TRIO: variants seen among roughly 807,000 people sequenced by gnomAD.
The protein encoded by TRIO is triple functional domain protein.
TRIO carries 58 observed loss-of-function variants against 351.9 expected under a neutral mutation model. That is an observed-to-expected ratio of 0.16 (90% CI 0.13 to 0.21). The LOEUF (loss-of-function observed/expected upper bound fraction) is 0.21. Among genes scored for constraint, TRIO ranks in the 10% least tolerant of loss-of-function variants. The pLI, the probability that TRIO is intolerant of heterozygous loss-of-function variation, is 1.00. For synonymous variants in TRIO, 1,758 were observed against 1,595.7 expected, an observed-to-expected ratio of 1.10 and a Z score of -2.42; for missense variants, 3,201 against 4,027.8, an observed-to-expected ratio of 0.79 and a Z score of 5.56.
At chr5:14,423,966 C>G (rs1040668844) in intron 34 of TRIO, among the ~76,000 whole-genome samples, 24 of 138,764 alleles carry the variant, frequency 1.7e-4, no homozygotes, top group African/African-American at 6.2e-4. Context: ...AAGGCTTTAA[C>G]CAGGAGTTTG....
At chr5:14,213,947 A>G (rs1027166844) in intron 1 of TRIO, among the ~76,000 whole-genome samples, 1 of 152,200 alleles carries the variant, frequency 6.6e-6, no homozygotes, top group South Asian at 2.1e-4. Context: ...GAGCGGGAGG[A>G]TGAAAGAAAA....
chr5:14,366,468 C>G (rs1198048643), intron 15 of TRIO, among the ~76,000 whole-genome samples: 1 of 152,154 alleles, frequency 6.6e-6, no homozygotes, highest in African/African-American at 2.4e-5. Context: ...CAAGCATTTG[C>G]CAATTTTTCA....
At chr5:14,230,340 T>TGTGTGTGTG (rs1793327649) in intron 1 of TRIO, among the ~76,000 whole-genome samples, 12 of 149,128 alleles carry the variant, frequency 8.0e-5, no homozygotes, top group African/African-American at 2.8e-4. Flanking sequence ...GGCAAGATGT[T>TGTGTGTGTG]TGTGTGTGTG....
intron 33 of TRIO, among the ~76,000 whole-genome samples, chr5:14,413,158 T>C (rs1749345353): frequency 6.6e-6 from 1 of 152,200 alleles, no homozygotes; most frequent in African/African-American, 2.4e-5. Context: ...GGGGCTACAG[T>C]GGATTTAGCT....
chr5:14,221,727 G>A (rs1337338621), intron 1 of TRIO, among the ~76,000 whole-genome samples: 6 of 152,236 alleles, frequency 3.9e-5, no homozygotes, highest in African/African-American at 9.6e-5. Context: ...GGGATGAAGC[G>A]TTGCTTCTCA....
At chr5:14,150,905 G>A (rs781593786) in intron 1 of TRIO, among the ~76,000 whole-genome samples, 4 of 152,106 alleles carry the variant, frequency 2.6e-5, no homozygotes, top group East Asian at 1.9e-4. Context: ...TCTGTAATAC[G>A]TGTTAATTTG....
At chr5:14,392,689 A>G (rs62345015) in intron 27 of TRIO, among the ~76,000 whole-genome samples, 15,754 of 152,264 alleles carry the variant, frequency 0.1, 1,314 homozygotes, top group African/African-American at 0.23. Context: ...ATGCCCATCA[A>G]TGATAGACTG....
intron 34 of TRIO, among the ~76,000 whole-genome samples, chr5:14,437,863 T>C (rs188986427): frequency 5.3e-4 from 81 of 152,338 alleles, no homozygotes; most frequent in African/African-American, 1.9e-3. Flanking sequence ...TTTGGGGCGA[T>C]GTGAAATATG....
chr5:14,188,900 A>G (rs1359270332), intron 1 of TRIO, among the ~76,000 whole-genome samples: 5 of 152,250 alleles, frequency 3.3e-5, no homozygotes, highest in South Asian at 2.1e-4. Flanking sequence ...GCATATGAAT[A>G]CTTTCAGAAG....
chr5:14,150,305 A>G (rs1787751925), intron 1 of TRIO, among the ~76,000 whole-genome samples: 1 of 146,970 alleles, frequency 6.8e-6, no homozygotes, highest in African/African-American at 2.5e-5. Context: ...GCCAGGAGTT[A>G]GGGGGTGGGG....
chr5:14,333,905 C>T (rs984539894), intron 10 of TRIO, among the ~76,000 whole-genome samples: 3 of 152,192 alleles, frequency 2.0e-5, no homozygotes, highest in Admixed American at 1.3e-4. Flanking sequence ...TGAGATGCCT[C>T]GGGAACAGGA....
At chr5:14,316,202 C>T (rs1479170583) in intron 8 of TRIO, among the ~76,000 whole-genome samples, 1 of 152,190 alleles carries the variant, frequency 6.6e-6, no homozygotes, top group African/African-American at 2.4e-5. Flanking sequence ...AATAGTATGC[C>T]TATTCATTGA....
intron 34 of TRIO, among the ~76,000 whole-genome samples, chr5:14,447,045 A>G (rs1752490291): frequency 6.6e-6 from 1 of 152,190 alleles, no homozygotes; most frequent in African/African-American, 2.4e-5. Flanking sequence ...AGGCTGGCCA[A>G]CATGGTGAAA....
intron 1 of TRIO, among the ~76,000 whole-genome samples, chr5:14,245,332 C>G (rs1364704302): frequency 6.6e-6 from 1 of 152,164 alleles, no homozygotes; most frequent in Non-Finnish European, 1.5e-5. Context: ...CTGGAACATT[C>G]TTCTTGAATG....
chr5:14,145,348 G>A lies in TRIO; in HGVS notation c.157+1466G>A, dbSNP rs533934947. On this transcript the variant is annotated intron_variant, in intron 1 of 56. Coordinates refer to ENST00000344204, the MANE Select transcript of TRIO (RefSeq NM_007118.4). The stretch of plus-strand genomic sequence containing the variant: ...GCGGGGTTATTTTTGATTCATTTTA[G>A]CAGATTGGTTGTGGCTGGGAGTGAC... 2.6e-5 allele frequency among the ~76,000 whole-genome samples: 4 copies of A among 152,306 alleles called. No homozygotes were observed. In the East Asian group the frequency reaches 7.7e-4, roughly 29 times the overall value.
rs1736058369 is a variant in TRIO at position 14,282,127 on chromosome 5, C to CTAA, written c.347+1693_347+1694insATA. ...TGTGGCATCAGTGACTAAGTGAGCC[C>CTAA]TACTTATCTGGAGTAAGTTTTCCCT... On this transcript the variant is annotated intron_variant, in intron 3 of 56. Transcript: ENST00000344204. 3.9e-5 allele frequency among the ~76,000 whole-genome samples: 6 copies of CTAA among 152,324 alleles called. No homozygotes were observed. The South Asian group carries it at 1.0e-3, about 26-fold the overall frequency.
intron 1 of TRIO, among the ~76,000 whole-genome samples, chr5:14,201,368 T>TA (rs1791099118): frequency 1.3e-5 from 2 of 152,322 alleles, no homozygotes; most frequent in South Asian, 4.1e-4. Context: ...CGACATGAGT[T>TA]AAAATCACAC....
intron 1 of TRIO, among the ~76,000 whole-genome samples, chr5:14,266,301 A>T (rs1023876478): frequency 6.6e-6 from 1 of 152,094 alleles, no homozygotes; most frequent in Non-Finnish European, 1.5e-5. Context: ...AGTTCAGGCA[A>T]TCTGCCTGCC....
intron 13 of TRIO, among the ~76,000 whole-genome samples, chr5:14,362,893 G>A (rs1382506120): frequency 6.6e-6 from 1 of 151,766 alleles, no homozygotes; most frequent in African/African-American, 2.4e-5. Flanking sequence ...TATTCTTTCT[G>A]CATTTAATAG....
Sources: gnomAD v4.1 joint callset for allele counts (sites outside exome capture counted in the v4.1 genomes callset) on GRCh38, gnomAD v4.1.1 for gene constraint, MANE v1.5 for transcripts, NCBI Gene and HGNC (gene_info 2026-07-23, HGNC 2026-07-21) for gene names.